The following GPR180 variants were observed in gnomAD, a reference collection of about 807,000 sequenced individuals.
GPR180 encodes G protein-coupled receptor 180.
A neutral mutation model predicts 52.6 loss-of-function variants in GPR180; 53 were observed. The ratio of observed to expected loss-of-function variants is 1.01; its 90% confidence interval spans 0.81 to 1.27. GPR180 has a LOEUF of 1.27. GPR180 is among the 50% of genes most tolerant of loss of function. The pLI is 0.00. For synonymous variants in GPR180, 200 were observed against 193.1 expected (o/e 1.04, Z -0.30); for missense variants, 533 against 527.0 (o/e 1.01, Z -0.11).
chr13:94,632,333 T>C lies in GPR180; in HGVS notation c.*5162T>C, dbSNP rs564680039. On this transcript the variant is annotated 3_prime_UTR_variant, in exon 9 of 9. Transcript: ENST00000376958. ...TTCCCTTCCCTGAATCCAAACTCTG[T>C]TACCAGTTATCTTTCTAGAAATGGC... The C allele has an allele frequency of 6.6e-6, 1 of 151,824 alleles. No homozygotes were observed. The highest frequency in any genetic ancestry group is 2.1e-4 in the South Asian group (1 of 4,822). The allele number at this position is 151,824 out of a possible 1,614,324, so 9.4% of individuals were successfully genotyped here.
In GPR180 at chr13:94,618,430, T is replaced by TTTTTTTTTTTTC; in HGVS notation, c.506-709_506-708insCTTTTTTTTTTT. Among the ~76,000 whole-genome samples the TTTTTTTTTTTTC allele has an allele frequency of 1.4e-5, 2 of 143,014 alleles. 1 individual carries two copies. Among genetic ancestry groups the TTTTTTTTTTTTC allele is most frequent in the African/African-American group, 5.5e-5 (2 of 36,462 alleles). The allele number at this position is 143,014 out of a possible 152,430, so 93.8% of individuals were successfully genotyped here. ...CATGATCAGCACAGGATTTTTTTTTTTTTTTTTTTTTTTGGCAAGAGCTGC... is the reference window on the plus strand; with the variant it reads ...CATGATCAGCACAGGATTTTTTTTTTTTTTTTTTTTTCTTTTTTTTTTTTTGGCAAGAGCTGC... On this transcript the variant is annotated intron_variant, in intron 3 of 8. Coordinates refer to ENST00000376958, the MANE Select transcript of GPR180 (RefSeq NM_180989.6).
chr13:94,630,374 T>G lies in GPR180; in HGVS notation c.*3203T>G, dbSNP rs1889980014. 6.6e-6 allele frequency: 1 copy of G among 152,248 alleles called. No individual in the cohort carries two copies. The highest frequency in any genetic ancestry group is 6.5e-5 in the Admixed American group (1 of 15,290). 9.4% of individuals were successfully genotyped at this position (152,248 alleles called of 1,614,324 possible). A position where few individuals can be genotyped will look rare whatever the true frequency, so the allele number is the denominator to read the frequency against. On this transcript the variant is annotated 3_prime_UTR_variant, in exon 9 of 9. Coordinates refer to ENST00000376958, the MANE Select transcript of GPR180 (RefSeq NM_180989.6). ...CCACAGTGTAGCCAAAACAATCTCT[T>G]AAAAATGGAAATCATCTGGATGATG... is the stretch of plus-strand genomic sequence containing the variant.
At chr13:94,618,431 T>C (rs2139570382) in intron 3 of GPR180, among the ~76,000 whole-genome samples, 1 of 143,558 alleles carries the variant, frequency 7.0e-6, no homozygotes. Context: ...TTTTTTTTTT[T>C]TTTTTTTTTT....
intron 2 of GPR180, among the ~76,000 whole-genome samples, chr13:94,610,598 C>T (rs1889690161): frequency 6.6e-6 from 1 of 152,128 alleles, no homozygotes; most frequent in African/African-American, 2.4e-5. Context: ...TTTGTTACAC[C>T]CAGAACTTGA....
At chr13:94,623,867 A>G (rs1459747470) in intron 7 of GPR180, among the ~76,000 whole-genome samples, 1 of 152,178 alleles carries the variant, frequency 6.6e-6, no homozygotes, top group Non-Finnish European at 1.5e-5. Context: ...TAGTTTCATC[A>G]ATAGGGATTT....
At chr13:94,611,188 C>A (rs1268336464) in intron 2 of GPR180, among the ~76,000 whole-genome samples, 1 of 152,160 alleles carries the variant, frequency 6.6e-6, no homozygotes, top group Non-Finnish European at 1.5e-5. Context: ...CATACTACTT[C>A]ATGTGGACCT....
rs1422857229 is a variant in GPR180, at chr13:94,631,828, C to T, written c.*4657C>T. ...AGTAGTTGTCATAAAACATCAGTTA[C>T]GAGAGGATTTCTCAAATTCTCACAG... On this transcript the variant is annotated 3_prime_UTR_variant, in exon 9 of 9. Transcript: ENST00000376958. 2.6e-5 allele frequency: 4 copies of T among 151,866 alleles called. No individual in the cohort carries two copies. The highest frequency in any genetic ancestry group is 3.9e-4 in the East Asian group (2 of 5,180). 9.4% of individuals were successfully genotyped at this position (151,866 alleles called of 1,614,324 possible).
rs1459749997 is a variant in GPR180, at chr13:94,619,196, T to G, written c.552T>G (p.Ile184Met). The G allele has an allele frequency of 1.9e-6, 3 of 1,614,030 alleles. No individual in the cohort carries two copies. The highest frequency in any genetic ancestry group is 2.7e-5 in the African/African-American group (2 of 74,932). The change falls in exon 4 of 9, where the codon ATT (isoleucine) becomes ATG (methionine). Residue 184 changes from isoleucine to methionine, a missense_variant. Transcript: ENST00000376958. ...TCCTAGTCCTAGTGTACTTTGTGATTGCTTGCATTTATGCTCAATCATTGT... is the reference window on the plus strand; with the variant it reads ...TCCTAGTCCTAGTGTACTTTGTGATGGCTTGCATTTATGCTCAATCATTGT... ...FFLLVLVYFV[I>M]ACIYAQSLWQ...
chr13:94,602,075 A>G lies in GPR180; in HGVS notation c.145+3A>G. ...CATCGGCCACTTCGAGTTCCATGGT[A>G]GGTCTGGGGGCGGGGAGGGGGATGA... On this transcript the variant is annotated splice_donor_region_variant and intron_variant, in intron 1 of 8. Coordinates refer to ENST00000376958, the MANE Select transcript of GPR180 (RefSeq NM_180989.6). 1 of 1,374,310 alleles carries G rather than the reference A, an allele frequency of 7.3e-7. No individual in the cohort carries two copies. The highest frequency in any genetic ancestry group is 9.4e-7 in the Non-Finnish European group (1 of 1,060,302). 85.1% of individuals were successfully genotyped at this position (1,374,310 alleles called of 1,614,324 possible).
chr13:94,617,370 T>G (rs897203382), intron 3 of GPR180, among the ~76,000 whole-genome samples: 1 of 152,184 alleles, frequency 6.6e-6, no homozygotes, highest in Non-Finnish European at 1.5e-5. Flanking sequence ...TTATAATATA[T>G]TTAGCATTTT....
At chr13:94,622,980 TAAC>T (rs1889870824) in intron 6 of GPR180, 126 bp from the exon 7 acceptor site, 1 of 653,256 alleles carries the variant, frequency 1.5e-6, no homozygotes, top group Non-Finnish European at 2.6e-6. Flanking sequence ...CTTTATTAAT[TAAC>T]AACCTCTATG....
In GPR180 at chr13:94,625,995, A is replaced by G; in HGVS notation, c.1116A>G (p.Pro372=). 6.2e-7 allele frequency: 1 copy of G among 1,612,060 alleles called. No homozygotes were observed. The highest frequency in any genetic ancestry group is 8.5e-7 in the Non-Finnish European group (1 of 1,178,732). The change falls in exon 8 of 9, where the codon CCA becomes CCG. Residue 372 remains proline (P), a synonymous_variant. Coordinates refer to ENST00000376958, the MANE Select transcript of GPR180 (RefSeq NM_180989.6). ...GTATCTTGTGGTTTTTATGCCATCC[A>G]GTTCTTGCATGCATTTCTGTCATTT... is the stretch of plus-strand genomic sequence containing the variant. ...KGCILWFLCH[P]VLACISVIFS... is the part of the protein sequence containing the mutation.
At chr13:94,605,216 A>G (rs1299747732) in intron 1 of GPR180, among the ~76,000 whole-genome samples, 175 bp from the exon 2 acceptor site, 4 of 152,198 alleles carry the variant, frequency 2.6e-5, no homozygotes, top group African/African-American at 9.7e-5. Context: ...CATTTGAATA[A>G]TCTCTTGCTT....
chr13:94,609,697 C>A (rs1889679452), intron 2 of GPR180, among the ~76,000 whole-genome samples: 1 of 150,892 alleles, frequency 6.6e-6, no homozygotes. Flanking sequence ...AAAAGTCTTC[C>A]AATATTTAAC....
chr13:94,622,121 G>A lies in GPR180; in HGVS notation c.894+886G>A, dbSNP rs1376142096. Among the ~76,000 whole-genome samples the A allele has an allele frequency of 3.5e-5, 3 of 84,672 alleles. No homozygotes were observed. In the South Asian group the frequency reaches 8.8e-4, roughly 25 times the overall value. The allele number at this position is 84,672 out of a possible 152,430, so 55.5% of individuals were successfully genotyped here. Reference sequence around the variant, plus strand: ...AGTATTGAATTTACATGAATGATTTGAGAGAGACCATATCACAGGTGGTGA... The same window carrying A: ...AGTATTGAATTTACATGAATGATTTAAGAGAGACCATATCACAGGTGGTGA... On this transcript the variant is annotated intron_variant, in intron 6 of 8. Transcript: ENST00000376958.
At chr13:94,615,856 G>A (rs61965606) in intron 3 of GPR180, among the ~76,000 whole-genome samples, 52,760 of 152,064 alleles carry the variant, frequency 0.35, 10,733 homozygotes, top group African/African-American at 0.55. Flanking sequence ...AAGACAATGG[G>A]TTGGATCTTC....
At chr13:94,624,627 G>A (rs1379270055) in intron 7 of GPR180, among the ~76,000 whole-genome samples, 1 of 152,140 alleles carries the variant, frequency 6.6e-6, no homozygotes, top group Admixed American at 6.5e-5. Flanking sequence ...GCGTGATCTC[G>A]GCTCACTGCA....
At chr13:94,612,816 A>G (rs1265597086) in intron 3 of GPR180, among the ~76,000 whole-genome samples, 1 of 152,238 alleles carries the variant, frequency 6.6e-6, no homozygotes, top group Non-Finnish European at 1.5e-5. Context: ...AACAATTTAA[A>G]TTGTTAATGA....
intron 2 of GPR180, among the ~76,000 whole-genome samples, chr13:94,610,817 C>T (rs1274418177): frequency 6.6e-6 from 1 of 152,188 alleles, no homozygotes; most frequent in Non-Finnish European, 1.5e-5. Context: ...CAGCCCCCCT[C>T]CAAGTATCTA....
Sources: gnomAD v4.1 joint callset for allele counts (sites outside exome capture counted in the v4.1 genomes callset) on GRCh38, gnomAD v4.1.1 for gene constraint, MANE v1.5 for transcripts, NCBI Gene and HGNC (gene_info 2026-07-23, HGNC 2026-07-21) for gene names.